MCPH1: variants seen among roughly 807,000 people sequenced by gnomAD.
MCPH1 encodes microcephalin.
In MCPH1, 104 loss-of-function variants were observed where a neutral mutation model predicts 84.5. The observed-to-expected ratio is 1.23, with a 90% CI of 1.05 to 1.45. MCPH1 has a LOEUF of 1.45. Ranked by LOEUF, MCPH1 falls within the 40% of genes most tolerant of loss-of-function variation. MCPH1 has a pLI of 0.00. For synonymous variants in MCPH1, 514 were observed against 366.8 expected, an observed-to-expected ratio of 1.40 and a Z score of -4.58; for missense variants, 1,498 against 1,005.7, an observed-to-expected ratio of 1.49 and a Z score of -6.62.
At chr8:6,448,627 TTGTG>T (rs1465855674) in intron 8 of MCPH1, among the ~76,000 whole-genome samples, 1 of 152,200 alleles carries the variant, frequency 6.6e-6, no homozygotes, top group Non-Finnish European at 1.5e-5. Flanking sequence ...CACACATTTC[TTGTG>T]TGTGTGTCTA....
chr8:6,571,899 CT>C (rs1358842030), intron 12 of MCPH1, among the ~76,000 whole-genome samples: 1 of 152,060 alleles, frequency 6.6e-6, no homozygotes, highest in Non-Finnish European at 1.5e-5. Context: ...AAAAATATTC[CT>C]TGTCACTCTT....
At chr8:6,492,971 A>G (rs1810821946) in intron 11 of MCPH1, among the ~76,000 whole-genome samples, 1 of 152,154 alleles carries the variant, frequency 6.6e-6, no homozygotes, top group East Asian at 1.9e-4. Flanking sequence ...AATGTGAACA[A>G]AAAATAGTGA....
intron 13 of MCPH1, chr8:6,622,054 G>A (rs2129580830): frequency 2.7e-6 from 1 of 371,924 alleles, no homozygotes; most frequent in Non-Finnish European, 5.4e-6. Context: ...TCCTGCTTCA[G>A]GAGTCCCTGG....
At chr8:6,606,833 C>G (rs1829814116) in intron 12 of MCPH1, among the ~76,000 whole-genome samples, 1 of 152,162 alleles carries the variant, frequency 6.6e-6, no homozygotes, top group Non-Finnish European at 1.5e-5. Context: ...GTCATAAGAG[C>G]TGATGGTTTC....
intron 12 of MCPH1, among the ~76,000 whole-genome samples, chr8:6,566,302 G>A (rs1239640636): frequency 6.6e-6 from 1 of 152,242 alleles, no homozygotes; most frequent in Non-Finnish European, 1.5e-5. Flanking sequence ...AGGAGGTGCT[G>A]GGCAAGGCCG....
intron 3 of MCPH1, among the ~76,000 whole-genome samples, chr8:6,424,645 C>T (rs1185374499): frequency 6.6e-6 from 1 of 152,200 alleles, no homozygotes. Context: ...ATGTGTCCTC[C>T]TAATATCACA....
intron 12 of MCPH1, among the ~76,000 whole-genome samples, chr8:6,540,649 A>C (rs2922874): frequency 6.6e-6 from 1 of 152,180 alleles, no homozygotes; most frequent in Non-Finnish European, 1.5e-5. Flanking sequence ...AGCAGCTTAC[A>C]ATGACAAAAT....
chr8:6,440,976 C>G (rs943022204), intron 6 of MCPH1, among the ~76,000 whole-genome samples: 21 of 152,166 alleles, frequency 1.4e-4, no homozygotes, highest in African/African-American at 5.1e-4. Context: ...GTTGTACCTG[C>G]CTGGCTTTTC....
At chr8:6,587,863 C>G (rs775523811) in intron 12 of MCPH1, among the ~76,000 whole-genome samples, 5 of 152,208 alleles carry the variant, frequency 3.3e-5, no homozygotes, top group Non-Finnish European at 7.3e-5. Context: ...CCTCCTGACT[C>G]TATTGGTGAT....
intron 9 of MCPH1, among the ~76,000 whole-genome samples, chr8:6,475,666 T>C (rs1166430512): frequency 6.6e-6 from 1 of 152,146 alleles, no homozygotes; most frequent in African/African-American, 2.4e-5. Context: ...ATGAATGAAG[T>C]GTCAGGCATA....
intron 12 of MCPH1, chr8:6,562,895 C>A (rs1825774587): frequency 6.2e-6 from 10 of 1,607,732 alleles, no homozygotes; most frequent in Non-Finnish European, 8.5e-6. Flanking sequence ...GCGGCCAAGA[C>A]AAGATCACAG....
chr8:6,517,718 T>C (rs1816536814), intron 12 of MCPH1, among the ~76,000 whole-genome samples: 1 of 152,036 alleles, frequency 6.6e-6, no homozygotes, highest in African/African-American at 2.4e-5. Flanking sequence ...AGGGTATCAT[T>C]GTTCTGTTAC....
intron 13 of MCPH1, among the ~76,000 whole-genome samples, chr8:6,631,285 C>A (rs1485485531): frequency 6.6e-6 from 1 of 152,138 alleles, no homozygotes; most frequent in African/African-American, 2.4e-5. Context: ...GGGCACAGCT[C>A]ATGAAAGCCA....
At chr8:6,458,243 T>C (rs1585888173) in intron 9 of MCPH1, among the ~76,000 whole-genome samples, 1 of 151,884 alleles carries the variant, frequency 6.6e-6, no homozygotes, top group Non-Finnish European at 1.5e-5. Context: ...GAGGCTGAGG[T>C]GGGCAGATCA....
At chr8:6,446,219 C>T (rs1804345166) in intron 8 of MCPH1, 5 of 924,646 alleles carry the variant, frequency 5.4e-6, no homozygotes, top group Non-Finnish European at 6.5e-6. Flanking sequence ...AAAGTCAAAA[C>T]AATAAAAAAT....
In MCPH1 at chr8:6,646,029, T is replaced by G. The variant is rs1374201363; in HGVS notation, c.*2980T>G. The G allele has an allele frequency of 2.0e-5, 3 of 152,230 alleles. No homozygotes were observed. Among genetic ancestry groups the G allele is most frequent in the African/African-American group, 4.8e-5 (2 of 41,458 alleles). The allele number at this position is 152,230 out of a possible 1,614,324, so 9.4% of individuals were successfully genotyped here. A position where few individuals can be genotyped will look rare whatever the true frequency, so the allele number is the denominator to read the frequency against. ...TGAAAAGCTGATGCTAAATCTTTTATGAAAATGCAAAGAACCTCTAGTAGA... is the reference window on the plus strand; with the variant it reads ...TGAAAAGCTGATGCTAAATCTTTTAGGAAAATGCAAAGAACCTCTAGTAGA... On this transcript the variant is annotated 3_prime_UTR_variant, in exon 14 of 14. Transcript: ENST00000344683.
chr8:6,591,963 G>T (rs1341812389), intron 12 of MCPH1, among the ~76,000 whole-genome samples: 2 of 152,302 alleles, frequency 1.3e-5, no homozygotes, highest in African/African-American at 2.4e-5. Flanking sequence ...CTATGGAACA[G>T]AAGTAGGGAA....
chr8:6,562,319 G>A (rs1183852224), intron 12 of MCPH1, among the ~76,000 whole-genome samples: 2 of 152,040 alleles, frequency 1.3e-5, no homozygotes, highest in Admixed American at 6.5e-5. Context: ...GAGCTTAAAC[G>A]ATGTAAACAA....
At chr8:6,609,769 T>G (rs1347472661) in intron 12 of MCPH1, among the ~76,000 whole-genome samples, 1 of 151,146 alleles carries the variant, frequency 6.6e-6, no homozygotes, top group East Asian at 1.9e-4. Context: ...TTTGACAACA[T>G]CATAGATTTT....
Sources: gnomAD v4.1 joint callset for allele counts (sites outside exome capture counted in the v4.1 genomes callset) on GRCh38, gnomAD v4.1.1 for gene constraint, MANE v1.5 for transcripts, NCBI Gene and HGNC (gene_info 2026-07-23, HGNC 2026-07-21) for gene names.